GYS2: variants seen among roughly 807,000 people sequenced by gnomAD.
The protein encoded by GYS2 is glycogen synthase 2.
In GYS2, 80 loss-of-function variants were observed where a neutral mutation model predicts 85.6. The observed-to-expected ratio is 0.93, with a 90% CI of 0.78 to 1.13. The LOEUF (loss-of-function observed/expected upper bound fraction) is 1.13. Ranked by LOEUF, GYS2 falls within the 50% of genes most tolerant of loss-of-function variation. The probability of loss-of-function intolerance (pLI) is 0.00; values close to 1 mark genes in which losing one functional copy is unlikely to be tolerated. For missense variants in GYS2, 881 were observed against 854.9 expected, an observed-to-expected ratio of 1.03 and a Z score of -0.38; for synonymous variants, 328 against 300.7, an observed-to-expected ratio of 1.09 and a Z score of -0.94.
chr12:21,549,884 T>C (rs956586421), intron 11 of GYS2, among the ~76,000 whole-genome samples: 10 of 152,232 alleles, frequency 6.6e-5, no homozygotes, highest in African/African-American at 2.2e-4. Context: ...TTACTCTTTG[T>C]TATTAACAAG....
intron 11 of GYS2, among the ~76,000 whole-genome samples, chr12:21,553,318 T>C (rs568779565): frequency 6.6e-6 from 1 of 152,346 alleles, no homozygotes; most frequent in East Asian, 1.9e-4. Context: ...ATTTACAAAA[T>C]TGATAAGTGT....
intron 1 of GYS2, among the ~76,000 whole-genome samples, chr12:21,591,059 G>A (rs1944633118): frequency 6.6e-6 from 1 of 151,750 alleles, no homozygotes; most frequent in South Asian, 2.1e-4. Flanking sequence ...ATCAATGCAA[G>A]AACAAAATAA....
chr12:21,566,357 T>A (rs1406808083), intron 5 of GYS2, among the ~76,000 whole-genome samples: 1 of 152,122 alleles, frequency 6.6e-6, no homozygotes, highest in Non-Finnish European at 1.5e-5. Flanking sequence ...GATCTTTTTT[T>A]TTTTTTCAGA....
At chr12:21,579,654 C>A (rs1017176745) in intron 2 of GYS2, among the ~76,000 whole-genome samples, 1 of 152,102 alleles carries the variant, frequency 6.6e-6, no homozygotes, top group Non-Finnish European at 1.5e-5. Flanking sequence ...AGCCACCATG[C>A]CTGGCCGCTT....
At chr12:21,580,020 A>C (rs994391262) in intron 2 of GYS2, among the ~76,000 whole-genome samples, 4 of 152,204 alleles carry the variant, frequency 2.6e-5, no homozygotes, top group African/African-American at 9.7e-5. Flanking sequence ...GGTTTGGTTG[A>C]AAACCTTTAC....
At chr12:21,571,886 C>T (rs1591797804) in intron 4 of GYS2, among the ~76,000 whole-genome samples, 1 of 150,224 alleles carries the variant, frequency 6.7e-6, no homozygotes, top group African/African-American at 2.4e-5. Context: ...CGCTTGAACC[C>T]GGGAGGTGGA....
At position 21,575,988 on chromosome 12, in the gene GYS2, A is replaced by G; in HGVS notation, c.373T>C (p.Trp125Arg). 6.2e-7 allele frequency: 1 copy of G among 1,613,932 alleles called. No individual in the cohort carries two copies. Among genetic ancestry groups the G allele is most frequent in the Non-Finnish European group, 8.5e-7 (1 of 1,179,864 alleles). The change falls in exon 3 of 16, where the codon TGG becomes CGG. Residue 125 changes from tryptophan (W) to arginine (R), a missense_variant. Trp to Arg is a moderately radical substitution (Grantham distance 101). Transcript: ENST00000261195. ...VVLFDIGYSA[W>R]NLDRWKGDLW... ...TCACCCTTCCACCTGTCCAGATTCC[A>G]AGCTGAATAGCCTATGTCAAAAAGT...
Position 21,542,496 on chromosome 12 carries a change from C to G in GYS2, c.1645G>C (p.Gly549Arg), listed in dbSNP as rs143199072. The change falls in exon 13 of 16, where the codon GGT becomes CGT. Residue 549 changes from glycine (G) to arginine (R), a missense_variant and splice_region_variant. By Grantham distance (125) the Gly-to-Arg change is moderately radical. Coordinates refer to ENST00000261195, the MANE Select transcript of GYS2 (RefSeq NM_021957.4). ...QEHVADPTAY[G>R]IYIVDRRFRS... Reference sequence around the variant, plus strand: ...ATGGGTTAATGATGAAAACCCTCACCGTAAGCAGTAGGATCAGCCACGTGC... The same window carrying G: ...ATGGGTTAATGATGAAAACCCTCACGGTAAGCAGTAGGATCAGCCACGTGC... The G allele has an allele frequency of 1.2e-6, 2 of 1,601,922 alleles. No individual in the cohort carries two copies. The highest frequency in any genetic ancestry group is 1.3e-5 in the African/African-American group (1 of 74,654).
At chr12:21,589,244 A>C (rs1359613279) in intron 1 of GYS2, among the ~76,000 whole-genome samples, 1 of 152,238 alleles carries the variant, frequency 6.6e-6, no homozygotes, top group Non-Finnish European at 1.5e-5. Flanking sequence ...TAAGGGGGAA[A>C]TAGAGATTCT....
At chr12:21,600,516 G>T (rs1275359876) in intron 1 of GYS2, among the ~76,000 whole-genome samples, 1 of 151,998 alleles carries the variant, frequency 6.6e-6, no homozygotes, top group Non-Finnish European at 1.5e-5. Flanking sequence ...TTAGGTCTCG[G>T]GAAGGATGGG....
At chr12:21,571,957 C>T (rs10743418) in intron 4 of GYS2, among the ~76,000 whole-genome samples, 141,673 of 145,370 alleles carry the variant, frequency 0.97, 69,091 homozygotes, top group East Asian at 1. Context: ...CAAGACTCCG[C>T]GTCAAAAACA....
intron 11 of GYS2, among the ~76,000 whole-genome samples, chr12:21,556,688 C>G (rs1005922416): frequency 3.3e-5 from 5 of 151,960 alleles, no homozygotes; most frequent in Non-Finnish European, 7.3e-5. Context: ...CCAGTTTGTG[C>G]GAAAGACTTG....
At chr12:21,603,691 C>T (rs1944777793) in intron 1 of GYS2, among the ~76,000 whole-genome samples, 1 of 152,082 alleles carries the variant, frequency 6.6e-6, no homozygotes, top group Admixed American at 6.6e-5. Context: ...GCCTTCAAAA[C>T]CATGACTTTT....
At chr12:21,583,712 G>A (rs1056639910) in intron 1 of GYS2, among the ~76,000 whole-genome samples, 1 of 152,160 alleles carries the variant, frequency 6.6e-6, no homozygotes, top group Non-Finnish European at 1.5e-5. Context: ...GGGCTTTGGT[G>A]GAAACGAAAT....
At chr12:21,587,936 T>C (rs115300529) in intron 1 of GYS2, among the ~76,000 whole-genome samples, 3 of 151,930 alleles carry the variant, frequency 2.0e-5, no homozygotes, top group African/African-American at 7.2e-5. Flanking sequence ...GATAACCAGG[T>C]AGGAGGACAT....
At chr12:21,561,180 A>G (rs776540915) in intron 7 of GYS2, among the ~76,000 whole-genome samples, 1 of 152,212 alleles carries the variant, frequency 6.6e-6, no homozygotes, top group Non-Finnish European at 1.5e-5. Context: ...ATTAATGTCA[A>G]AAGAAAGGAA....
At chr12:21,568,653 C>T (rs2136893731) in intron 5 of GYS2, among the ~76,000 whole-genome samples, 1 of 152,294 alleles carries the variant, frequency 6.6e-6, no homozygotes, top group South Asian at 2.1e-4. Flanking sequence ...ATTCAACAAG[C>T]ACAGATTGAA....
intron 1 of GYS2, among the ~76,000 whole-genome samples, chr12:21,581,733 TG>T (rs2136914942): frequency 6.6e-6 from 1 of 152,286 alleles, no homozygotes; most frequent in East Asian, 1.9e-4. Flanking sequence ...AAAACCATCC[TG>T]GGGGAAAATT....
intron 13 of GYS2, 81 bp downstream of exon 13, chr12:21,542,415 G>C: frequency 1.2e-6 from 1 of 850,572 alleles, no homozygotes; most frequent in Admixed American, 1.7e-5. Flanking sequence ...TAGCTTTAGA[G>C]TTAGGCTCTG....
Sources: gnomAD v4.1 joint callset for allele counts (sites outside exome capture counted in the v4.1 genomes callset) on GRCh38, gnomAD v4.1.1 for gene constraint, MANE v1.5 for transcripts, NCBI Gene and HGNC (gene_info 2026-07-23, HGNC 2026-07-21) for gene names.